SYCP1: variants seen among roughly 807,000 people sequenced by gnomAD.
SYCP1 encodes the protein synaptonemal complex protein 1.
Under a neutral mutation model 153.1 loss-of-function variants are expected in SYCP1, and 64 were observed. The ratio of observed to expected loss-of-function variants is 0.42; its 90% CI spans 0.34 to 0.51. The LOEUF (loss-of-function observed/expected upper bound fraction) is 0.51. Among genes scored for constraint, SYCP1 ranks in the 20% least tolerant of loss-of-function variants. The pLI is 0.06. For missense variants in SYCP1, 997 were observed against 1,049.0 expected (o/e 0.95, Z 0.68); for synonymous variants, 384 against 341.8 (o/e 1.12, Z -1.36).
intron 20 of SYCP1, among the ~76,000 whole-genome samples, chr1:114,918,386 A>G (rs776490196): frequency 5.3e-5 from 8 of 152,116 alleles, no homozygotes; most frequent in Non-Finnish European, 8.8e-5. Context: ...TGTTTTGGTT[A>G]CTATAGCTAG....
chr1:114,886,514 G>A (rs1179301556), intron 14 of SYCP1, among the ~76,000 whole-genome samples: 3 of 152,038 alleles, frequency 2.0e-5, no homozygotes, highest in Non-Finnish European at 2.9e-5. Flanking sequence ...AAAAGAAGAT[G>A]TTCTCTAGGA....
intron 28 of SYCP1, among the ~76,000 whole-genome samples, chr1:114,979,840 G>A (rs976499241): frequency 2.6e-5 from 4 of 151,686 alleles, no homozygotes; most frequent in Admixed American, 2.0e-4. Context: ...TAAATAATCC[G>A]GAAAGATAGG....
chr1:114,995,043 G>T lies in SYCP1; in HGVS notation c.*24G>T. 6.4e-7 allele frequency: 1 copy of T among 1,573,586 alleles called. No homozygotes were observed. The highest frequency in any genetic ancestry group is 8.6e-7 in the Non-Finnish European group (1 of 1,164,660). ...AATTTCAGAGAATCAGTGTAGTTAA[G>T]GAGCCTAATAACGTGAAACTTATAG... On this transcript the variant is annotated 3_prime_UTR_variant, in exon 32 of 32. Transcript: ENST00000369522.
Position 114,876,777 on chromosome 1 carries a change from A to G in SYCP1, c.768A>G (p.Glu256=). ...DYEKIQHLEQ[E]YKKEINDKEK... The stretch of plus-strand genomic sequence containing the variant: ...AAAAAATCCAACACCTTGAACAAGA[A>G]TACAAGAAGGAAATAAATGACAAGG... Residue 256 remains glutamate, a synonymous_variant, in exon 11 of 32, where the codon GAA becomes GAG. Transcript: ENST00000369522. 1 of 1,398,720 alleles carries G rather than the reference A, an allele frequency of 7.1e-7. No homozygotes were observed. Among genetic ancestry groups the G allele is most frequent in the Non-Finnish European group, 9.3e-7 (1 of 1,071,362 alleles). 86.6% of individuals were successfully genotyped at this position (1,398,720 alleles called of 1,614,324 possible).
chr1:114,992,116 A>G (rs1673964964), intron 30 of SYCP1, among the ~76,000 whole-genome samples: 1 of 151,866 alleles, frequency 6.6e-6, no homozygotes, highest in African/African-American at 2.4e-5. Context: ...ATACTTGTAC[A>G]CTGAAAATTA....
chr1:114,966,541 T>A (rs1672139837), intron 27 of SYCP1, among the ~76,000 whole-genome samples: 1 of 152,182 alleles, frequency 6.6e-6, no homozygotes, highest in Non-Finnish European at 1.5e-5. Flanking sequence ...TCTGGTACGT[T>A]GTGTGTTTGT....
chr1:114,874,839 A>G (rs1480601623), intron 9 of SYCP1, among the ~76,000 whole-genome samples: 1 of 152,212 alleles, frequency 6.6e-6, no homozygotes, highest in African/African-American at 2.4e-5. Flanking sequence ...CATAACCATT[A>G]ATTTGAAAAC....
At position 114,981,506 on chromosome 1, in the gene SYCP1, G is replaced by A. The variant is rs747654712; in HGVS notation, c.2553G>A (p.Leu851=). 1 of 1,581,904 alleles carries A rather than the reference G, an allele frequency of 6.3e-7. No homozygotes were observed. The highest frequency in any genetic ancestry group is 8.5e-7 in the Non-Finnish European group (1 of 1,171,014). The part of the protein sequence containing the change: ...TSAKNTLSTP[L]PKAYTVKTPT... ...CCAAAAATACTTTATCTACACCATT[G>A]CCAAAGGTTTGTGTCTAAATTTTCC... Residue 851 remains leucine, a synonymous_variant, in exon 29 of 32, where the codon TTG becomes TTA. Coordinates refer to ENST00000369522, the MANE Select transcript of SYCP1 (RefSeq NM_003176.4).
chr1:114,968,985 T>C (rs1672312577), intron 27 of SYCP1, among the ~76,000 whole-genome samples: 1 of 152,182 alleles, frequency 6.6e-6, no homozygotes, highest in Non-Finnish European at 1.5e-5. Context: ...CCAGACCCTG[T>C]TTTCCTGGGT....
intron 3 of SYCP1, 74 bp from the exon 4 acceptor site, chr1:114,857,158 G>GAAAAAAAAAAAAAAAAAAAAA: frequency 2.1e-6 from 1 of 474,180 alleles, no homozygotes; most frequent in Admixed American, 5.3e-5. Context: ...AAAAAAAAAA[G>GAAAAAAAAAAAAAAAAAAAAA]AGAAAAAAGA....
chr1:114,918,918 G>A (rs1668680101), intron 20 of SYCP1, among the ~76,000 whole-genome samples: 1 of 151,736 alleles, frequency 6.6e-6, no homozygotes, highest in Admixed American at 6.6e-5. Context: ...ATTATACTTG[G>A]AAATATACAT....
intron 16 of SYCP1, among the ~76,000 whole-genome samples, chr1:114,896,151 A>G (rs1667047628): frequency 6.6e-6 from 1 of 152,148 alleles, no homozygotes; most frequent in African/African-American, 2.4e-5. Context: ...TGCATACTGC[A>G]GTTTTCTGGC....
At chr1:114,890,476 G>A in intron 15 of SYCP1, among the ~76,000 whole-genome samples, 1 of 151,954 alleles carries the variant, frequency 6.6e-6, no homozygotes, top group East Asian at 1.9e-4. Flanking sequence ...AATGCTCACA[G>A]ATTTCTTATT....
At chr1:114,977,456 C>T in intron 27 of SYCP1, 101 bp from the exon 28 acceptor site, 1 of 714,490 alleles carries the variant, frequency 1.4e-6, no homozygotes, top group South Asian at 2.2e-5. Flanking sequence ...AGAGGTTCGT[C>T]ATCTTTCTTT....
At chr1:114,988,955 G>A (rs1433742131) in intron 30 of SYCP1, among the ~76,000 whole-genome samples, 1 of 151,926 alleles carries the variant, frequency 6.6e-6, no homozygotes, top group Admixed American at 6.6e-5. Flanking sequence ...GCTGAGGCAG[G>A]TGGAAGTTTG....
intron 8 of SYCP1, among the ~76,000 whole-genome samples, chr1:114,867,612 C>T (rs775420173): frequency 1.3e-5 from 2 of 151,866 alleles, no homozygotes; most frequent in Non-Finnish European, 1.5e-5. Flanking sequence ...AATCTTGTAT[C>T]GTGTAACCTT....
intron 27 of SYCP1, among the ~76,000 whole-genome samples, chr1:114,965,779 T>G (rs1672083979): frequency 6.6e-6 from 1 of 152,214 alleles, no homozygotes; most frequent in Non-Finnish European, 1.5e-5. Context: ...CACATCGATG[T>G]TCATCAGGGA....
intron 19 of SYCP1, 73 bp downstream of exon 19, chr1:114,913,223 G>T: frequency 1.7e-6 from 2 of 1,172,090 alleles, no homozygotes; most frequent in Non-Finnish European, 1.2e-6. Context: ...GACCTCTAAA[G>T]ACCCTTTGAC....
rs191187804 is a variant in SYCP1, at chr1:114,929,083, C to T, written c.1926+2520C>T. Among the ~76,000 whole-genome samples the T allele has an allele frequency of 3.3e-3, 509 of 152,216 alleles. 4 individuals carry two copies. Among genetic ancestry groups the T allele is most frequent in the Non-Finnish European group, 4.2e-3 (287 of 68,006 alleles). On this transcript the variant is annotated intron_variant, in intron 23 of 31. Transcript: ENST00000369522. ...ATCCTTTTTACAACGTGACACTAAT[C>T]CCATTAATGAAGGCTCCATCCTTAT...
Sources: gnomAD v4.1 joint callset for allele counts (sites outside exome capture counted in the v4.1 genomes callset) on GRCh38, gnomAD v4.1.1 for gene constraint, MANE v1.5 for transcripts, NCBI Gene and HGNC (gene_info 2026-07-23, HGNC 2026-07-21) for gene names.